The following NYAP2 variants were observed in gnomAD, a reference collection of about 807,000 sequenced individuals.
The protein encoded by NYAP2 is neuronal tyrosine-phosphorylated phosphoinositide-3-kinase adaptor 2, also known as neuronal tyrosine-phosphorylated phosphoinositide-3-kinase adapter 2.
A neutral mutation model predicts 50.4 loss-of-function variants in NYAP2; 23 were observed. That is an observed-to-expected ratio of 0.46 (90% CI 0.33 to 0.65). NYAP2 has a LOEUF of 0.65. Among genes scored for constraint, NYAP2 ranks in the 30% least tolerant of loss-of-function variants. The pLI is 0.02. For synonymous variants in NYAP2, 394 were observed against 365.2 expected (o/e 1.08, Z -0.90); for missense variants, 885 against 861.0 (o/e 1.03, Z -0.35).
At chr2:225,435,013 A>G (rs1340723459) in intron 3 of NYAP2, among the ~76,000 whole-genome samples, 1 of 152,236 alleles carries the variant, frequency 6.6e-6, no homozygotes, top group Non-Finnish European at 1.5e-5. Flanking sequence ...AAGCCTGAAA[A>G]GTGTCCTGAT....
chr2:225,575,710 A>C (rs1692158679), intron 4 of NYAP2, among the ~76,000 whole-genome samples: 1 of 152,212 alleles, frequency 6.6e-6, no homozygotes, highest in African/African-American at 2.4e-5. Flanking sequence ...AGGGGAGAAG[A>C]AATAGACTCC....
At chr2:225,550,807 T>C (rs956027110) in intron 4 of NYAP2, among the ~76,000 whole-genome samples, 8 of 152,126 alleles carry the variant, frequency 5.3e-5, no homozygotes, top group East Asian at 1.9e-4. Flanking sequence ...TTTGATGAGA[T>C]TGGAGCTTTT....
At chr2:225,546,871 C>T (rs1320753711) in intron 4 of NYAP2, among the ~76,000 whole-genome samples, 8 of 152,146 alleles carry the variant, frequency 5.3e-5, no homozygotes, top group African/African-American at 1.9e-4. Flanking sequence ...GCTGCTGGCT[C>T]TTCAGGGCCT....
intron 6 of NYAP2, among the ~76,000 whole-genome samples, chr2:225,647,007 G>C (rs1181261742): frequency 1.3e-5 from 2 of 152,140 alleles, no homozygotes; most frequent in African/African-American, 2.4e-5. Flanking sequence ...ACCAATAAAA[G>C]GGGAAATTAA....
At chr2:225,667,731 T>G in the NYAP2 span, among the ~76,000 whole-genome samples, 3 of 152,192 alleles carry the variant, frequency 2.0e-5, no homozygotes, top group African/African-American at 7.2e-5. Context: ...AAATGAATCT[T>G]CAATGGATAG....
chr2:225,641,417 C>T (rs544490110), intron 6 of NYAP2, among the ~76,000 whole-genome samples: 1 of 122,818 alleles, frequency 8.1e-6, no homozygotes, highest in East Asian at 2.3e-4. Context: ...AACTGCAATC[C>T]CTCAAACACA....
chr2:225,501,562 T>C (rs1311124226), intron 3 of NYAP2, among the ~76,000 whole-genome samples: 5 of 152,218 alleles, frequency 3.3e-5, no homozygotes, highest in South Asian at 2.1e-4. Flanking sequence ...TAGAATTGTA[T>C]GTTGAATTTT....
intron 4 of NYAP2, among the ~76,000 whole-genome samples, chr2:225,546,282 G>A (rs758865516): frequency 1.9e-4 from 29 of 152,200 alleles, no homozygotes; most frequent in East Asian, 5.8e-4. Context: ...GACAAGTTCC[G>A]CTGGGCCCCA....
At chr2:225,446,256 A>G (rs202168147) in intron 3 of NYAP2, among the ~76,000 whole-genome samples, 1 of 95,252 alleles carries the variant, frequency 1.0e-5, no homozygotes, top group Non-Finnish European at 2.2e-5. Context: ...CTATATATAT[A>G]TATATATATA....
At chr2:225,585,939 G>C (rs570057434) in intron 5 of NYAP2, among the ~76,000 whole-genome samples, 1 of 152,246 alleles carries the variant, frequency 6.6e-6, no homozygotes, top group South Asian at 2.1e-4. Flanking sequence ...TGATACCTTA[G>C]GGACAGAATA....
chr2:225,592,597 T>C (rs1692527378), intron 5 of NYAP2, among the ~76,000 whole-genome samples: 1 of 152,238 alleles, frequency 6.6e-6, no homozygotes, highest in Non-Finnish European at 1.5e-5. Context: ...AAATAGAGTA[T>C]AAGTAAAATT....
intron 3 of NYAP2, among the ~76,000 whole-genome samples, chr2:225,491,177 G>T (rs1037991805): frequency 5.3e-5 from 8 of 152,254 alleles, no homozygotes; most frequent in Admixed American, 3.3e-4. Context: ...CTACAGAAGG[G>T]GAATTGCCTA....
At chr2:225,458,820 G>A (rs1689779739) in intron 3 of NYAP2, among the ~76,000 whole-genome samples, 2 of 152,340 alleles carry the variant, frequency 1.3e-5, no homozygotes, top group African/African-American at 4.8e-5. Context: ...TCAAGAAGCT[G>A]TGTTGGTTTT....
chr2:225,503,973 G>A (rs958127940), intron 3 of NYAP2, among the ~76,000 whole-genome samples: 6 of 152,120 alleles, frequency 3.9e-5, no homozygotes, highest in Admixed American at 2.0e-4. Flanking sequence ...TATGATTAGA[G>A]TATGTTTTCC....
chr2:225,629,324 C>T (rs1693269462), intron 6 of NYAP2, among the ~76,000 whole-genome samples: 1 of 152,176 alleles, frequency 6.6e-6, no homozygotes. Context: ...GCCCACCCAC[C>T]TAGGTGAGGG....
At chr2:225,629,837 C>G (rs1209500592) in intron 6 of NYAP2, among the ~76,000 whole-genome samples, 1 of 152,164 alleles carries the variant, frequency 6.6e-6, no homozygotes, top group African/African-American at 2.4e-5. Flanking sequence ...CCACATGACC[C>G]AGACCCCTCC....
At chr2:225,539,663 T>C (rs1417059389) in intron 4 of NYAP2, among the ~76,000 whole-genome samples, 1 of 152,222 alleles carries the variant, frequency 6.6e-6, no homozygotes, top group Non-Finnish European at 1.5e-5. Flanking sequence ...TGTCTGTTCA[T>C]CTCCTTTGAC....
In NYAP2 at chr2:225,399,851, A is replaced by C. The variant is rs1694829281; in HGVS notation, c.-905A>C. 1.3e-5 allele frequency: 2 copies of C among 152,080 alleles called. No homozygotes were observed. 9.4% of individuals were successfully genotyped at this position (152,080 alleles called of 1,614,324 possible). A position where few individuals can be genotyped will look rare whatever the true frequency, so the allele number is the denominator to read the frequency against. On this transcript the variant is annotated 5_prime_UTR_variant, in exon 1 of 7. An upstream open reading frame in the 5' UTR loses its in-frame stop. Transcript: ENST00000636099. Reference sequence around the variant, plus strand: ...CCACGCCAGGGGTGAAATGCTTATAACTTAACCATTCTCTGTAGTAAGAAC... The same window carrying C: ...CCACGCCAGGGGTGAAATGCTTATACCTTAACCATTCTCTGTAGTAAGAAC...
At chr2:225,437,598 A>G (rs1689401930) in intron 3 of NYAP2, among the ~76,000 whole-genome samples, 1 of 152,218 alleles carries the variant, frequency 6.6e-6, no homozygotes, top group South Asian at 2.1e-4. Flanking sequence ...CATTTCAGAA[A>G]AGAAGGGCAC....
Sources: allele counts gnomAD v4.1 joint callset (sites outside exome capture counted in the v4.1 genomes callset), GRCh38; gene constraint gnomAD v4.1.1; transcripts MANE v1.5; gene names NCBI Gene and HGNC (gene_info 2026-07-23, HGNC 2026-07-21).